PCDHGA4: variants seen among roughly 807,000 people sequenced by gnomAD.
PCDHGA4 encodes protocadherin gamma subfamily A, 4.
A neutral mutation model predicts 54.6 loss-of-function variants in PCDHGA4; 38 were observed. The ratio of observed to expected loss-of-function variants is 0.70; its 90% CI spans 0.54 to 0.91. PCDHGA4 has a LOEUF of 0.91. PCDHGA4 is among the 40% of genes least tolerant of loss of function. The probability of loss-of-function intolerance (pLI) is 0.00; values close to 1 mark genes in which losing one functional copy is unlikely to be tolerated. For missense variants in PCDHGA4, 1,298 were observed against 1,220.9 expected, an observed-to-expected ratio of 1.06 and a Z score of -0.94; for synonymous variants, 511 against 512.9, an observed-to-expected ratio of 1.00 and a Z score of 0.05.
intron 1 of PCDHGA4, among the ~76,000 whole-genome samples, chr5:141,449,921 C>T (rs2098659300): frequency 6.6e-6 from 1 of 151,648 alleles, no homozygotes; most frequent in African/African-American, 2.4e-5. Flanking sequence ...TTAAATTCTA[C>T]CATACCTTAT....
intron 1 of PCDHGA4, chr5:141,360,656 A>T: frequency 6.2e-7 from 1 of 1,613,586 alleles, no homozygotes; most frequent in Non-Finnish European, 8.5e-7. Flanking sequence ...CACCTTAATG[A>T]CAACGAGTAC....
rs1183407162 is a variant in PCDHGA4 at position 141,422,793 on chromosome 5, C to G, written c.2514+65172C>G. 3 of 1,614,110 alleles carry G rather than the reference C, an allele frequency of 1.9e-6. No individual in the cohort carries two copies. The South Asian group carries it at 3.3e-5, about 18-fold the overall frequency. On this transcript the variant is annotated intron_variant, in intron 1 of 3. Transcript: ENST00000571252. Reference sequence around the variant, plus strand: ...TTCTCTATGCCCTACAATCCTTCGACTATGAGCAGTTTCGAGACTTAGAAC... The same window carrying G: ...TTCTCTATGCCCTACAATCCTTCGAGTATGAGCAGTTTCGAGACTTAGAAC...
intron 1 of PCDHGA4, chr5:141,374,905 CG>C: frequency 6.2e-7 from 1 of 1,613,734 alleles, no homozygotes; most frequent in Non-Finnish European, 8.5e-7. Flanking sequence ...AAGGAGTCCA[CG>C]GGGAAGTAAC....
At chr5:141,394,845 C>G (rs2093112269) in intron 1 of PCDHGA4, 20 of 1,613,866 alleles carry the variant, frequency 1.2e-5, no homozygotes, top group Non-Finnish European at 1.7e-5. Flanking sequence ...GTTGGGCAGT[C>G]TGAAGCCTTC....
chr5:141,471,730 G>A (rs535784858), intron 1 of PCDHGA4, among the ~76,000 whole-genome samples: 1 of 152,292 alleles, frequency 6.6e-6, no homozygotes, highest in East Asian at 1.9e-4. Context: ...GGTAAGGAAG[G>A]TTGGAGACAT....
intron 1 of PCDHGA4, chr5:141,390,425 G>A (rs908766072): frequency 9.6e-7 from 1 of 1,042,070 alleles, no homozygotes. Flanking sequence ...TTAAAAAGCT[G>A]TCATATCATT....
At chr5:141,449,436 A>T (rs1177598228) in intron 1 of PCDHGA4, among the ~76,000 whole-genome samples, 1 of 151,792 alleles carries the variant, frequency 6.6e-6, no homozygotes, top group African/African-American at 2.4e-5. Flanking sequence ...ATAAAACTCC[A>T]TCTCTACTAA....
rs76218301 is a variant in PCDHGA4 at position 141,380,317 on chromosome 5, A to G, written c.2514+22696A>G. On this transcript the variant is annotated intron_variant, in intron 1 of 3. Transcript: ENST00000571252. ...CCTATATCTTTGCTTGAGAATGAAA[A>G]TCTAAATGGAACTTCAAAGAACTGT... is the stretch of plus-strand genomic sequence containing the variant. Among the ~76,000 whole-genome samples the G allele has an allele frequency of 1.7e-4, 26 of 152,324 alleles. No individual in the cohort carries two copies. The East Asian group carries it at 5.0e-3, about 29-fold the overall frequency.
Position 141,491,262 on chromosome 5 carries a change from G to A in PCDHGA4, c.2515-3545G>A. ...TGGAGGATGAGGACCCTGAGGAAATGCCCAAATCCAGTGACTTCCTCATAC... is the reference window on the plus strand; with the variant it reads ...TGGAGGATGAGGACCCTGAGGAAATACCCAAATCCAGTGACTTCCTCATAC... On this transcript the variant is annotated intron_variant, in intron 1 of 3. Transcript: ENST00000571252. The surrounding 1 kb of genome is among the most constrained non-coding windows in gnomAD (Gnocchi z 6.9). 2 of 1,614,122 alleles carry A rather than the reference G, an allele frequency of 1.2e-6. No individual in the cohort carries two copies. Among genetic ancestry groups the A allele is most frequent in the Non-Finnish European group, 1.7e-6 (2 of 1,179,952 alleles).
intron 1 of PCDHGA4, chr5:141,383,041 A>C: frequency 6.2e-7 from 1 of 1,613,860 alleles, no homozygotes; most frequent in Non-Finnish European, 8.5e-7. Context: ...TGTGGGAGAC[A>C]TCGCCAAGGA....
chr5:141,403,200 C>T (rs765799006), intron 1 of PCDHGA4: 1 of 1,613,982 alleles, frequency 6.2e-7, no homozygotes, highest in South Asian at 1.1e-5. Flanking sequence ...CGCAGCGGCA[C>T]CTTGGTCACC....
intron 1 of PCDHGA4, among the ~76,000 whole-genome samples, chr5:141,397,623 T>A (rs2093546552): frequency 6.6e-6 from 1 of 152,242 alleles, no homozygotes; most frequent in South Asian, 2.1e-4. Context: ...TACTTAGTTC[T>A]AGCTAAGAGT....
intron 1 of PCDHGA4, chr5:141,361,238 T>C: frequency 1.2e-6 from 2 of 1,613,980 alleles, no homozygotes; most frequent in South Asian, 2.2e-5. Context: ...GTGATCGCCT[T>C]GATAAAAACG....
At chr5:141,417,958 C>T (rs1255501304) in intron 1 of PCDHGA4, 3 of 1,613,720 alleles carry the variant, frequency 1.9e-6, no homozygotes, top group South Asian at 2.2e-5. Context: ...GTGAGCCGAT[C>T]CGCTACTCGA....
chr5:141,376,347 A>T (rs1218451115), intron 1 of PCDHGA4: 1 of 1,614,056 alleles, frequency 6.2e-7, no homozygotes. Context: ...ACCTATTCCC[A>T]CGAGGTCTCA....
At chr5:141,358,490 C>A (rs552020096) in intron 1 of PCDHGA4, among the ~76,000 whole-genome samples, 3 of 152,260 alleles carry the variant, frequency 2.0e-5, no homozygotes, top group Admixed American at 2.0e-4. Context: ...TTAGATATAA[C>A]TTTAACAGGA....
intron 1 of PCDHGA4, chr5:141,410,230 C>T (rs759582867): frequency 6.2e-7 from 1 of 1,614,006 alleles, no homozygotes; most frequent in Admixed American, 1.7e-5. Flanking sequence ...CAGACCTCAG[C>T]GACCGCCCTG....
Position 141,432,465 on chromosome 5 carries a change from C to T in PCDHGA4, c.2515-62342C>T. 3 of 1,614,222 alleles carry T rather than the reference C, an allele frequency of 1.9e-6. No individual in the cohort carries two copies. The highest frequency in any genetic ancestry group is 2.5e-6 in the Non-Finnish European group (3 of 1,180,050). On this transcript the variant is annotated intron_variant, in intron 1 of 3. Transcript: ENST00000571252. This position sits in a 1 kb window ranked among gnomAD's most constrained non-coding sequence, Gnocchi z 6.0. The stretch of plus-strand genomic sequence containing the variant: ...GAGATCCTGTACCCCGCCCTCCCCA[C>T]GGACGGTTCCACTGGCGTGGAGCTG...
chr5:141,396,631 A>C lies in PCDHGA4; in HGVS notation c.2514+39010A>C, dbSNP rs1471198116. 7 of 152,348 alleles carry C rather than the reference A, an allele frequency of 4.6e-5. No homozygotes were observed. The South Asian group carries it at 6.2e-4, about 14-fold the overall frequency. 9.4% of individuals were successfully genotyped at this position (152,348 alleles called of 1,614,324 possible). On this transcript the variant is annotated intron_variant, in intron 1 of 3. Transcript: ENST00000571252. ...TGAGACTCCGTCTCAAAAAAAAAAAAAACTAATATTAATAGTAAAAACTCG... is the reference window on the plus strand; with the variant it reads ...TGAGACTCCGTCTCAAAAAAAAAAACAACTAATATTAATAGTAAAAACTCG...
Sources: gnomAD v4.1 joint callset for allele counts (sites outside exome capture counted in the v4.1 genomes callset) on GRCh38, gnomAD v4.1.1 for gene constraint, Gnocchi (gnomAD v3.1) non-coding constraint, MANE v1.5 for transcripts, NCBI Gene and HGNC (gene_info 2026-07-23, HGNC 2026-07-21) for gene names.